The following LRRK1 variants were observed in gnomAD, a reference collection of about 807,000 sequenced individuals.
LRRK1 encodes the protein leucine rich repeat kinase 1, also known as leucine-rich repeat serine/threonine-protein kinase 1.
A neutral mutation model predicts 209.1 loss-of-function variants in LRRK1; 113 were observed. The ratio of observed to expected loss-of-function variants is 0.54; its 90% CI spans 0.46 to 0.63. The LOEUF (loss-of-function observed/expected upper bound fraction) is 0.63. LRRK1 is among the 30% of genes least tolerant of loss of function. The probability of loss-of-function intolerance (pLI) is 0.00; values close to 1 mark genes in which losing one functional copy is unlikely to be tolerated. For missense variants in LRRK1, 2,284 were observed against 2,632.2 expected, an observed-to-expected ratio of 0.87 and a Z score of 2.89; for synonymous variants, 1,144 against 1,099.7, an observed-to-expected ratio of 1.04 and a Z score of -0.80.
chr15:100,922,226 A>G (rs2042033144), intron 1 of LRRK1, among the ~76,000 whole-genome samples: 1 of 152,224 alleles, frequency 6.6e-6, no homozygotes, highest in African/African-American at 2.4e-5. Context: ...AGCAGGAGGA[A>G]GCAAAGATCC....
chr15:101,043,276 C>G (rs1461444737), intron 20 of LRRK1, among the ~76,000 whole-genome samples: 1 of 152,206 alleles, frequency 6.6e-6, no homozygotes, highest in African/African-American at 2.4e-5. Context: ...CCCACCTTTG[C>G]CTGAGGCCCC....
In LRRK1 at chr15:101,046,248, C is replaced by A. The variant is rs1596317259; in HGVS notation, c.3135+96C>A. The A allele has an allele frequency of 6.9e-6, 9 of 1,298,578 alleles. No individual in the cohort carries two copies. In the East Asian group the frequency reaches 2.0e-4, roughly 29 times the overall value. The allele number at this position is 1,298,578 out of a possible 1,614,324, so 80.4% of individuals were successfully genotyped here. ...GAATGCCCTTTGCTGGGGGGCCCTG[C>A]CTGGAGACCCTTCTCCTAGAGCCAT... is the stretch of plus-strand genomic sequence containing the variant. On this transcript the variant is annotated intron_variant, in intron 21 of 33. Transcript: ENST00000388948.
Position 101,024,976 on chromosome 15 carries a change from A to C in LRRK1, c.2232+9A>C, listed in dbSNP as rs1486232980. 3.1e-6 allele frequency: 5 copies of C among 1,610,110 alleles called. No individual in the cohort carries two copies. The highest frequency in any genetic ancestry group is 4.2e-6 in the Non-Finnish European group (5 of 1,178,128). ...GGCTGCTCAACATCGAGGTGAGGAC[A>C]CCAGACGCCAGCCCTGCCATTTCAG... is the stretch of plus-strand genomic sequence containing the variant. On this transcript the variant is annotated intron_variant, in intron 16 of 33. Transcript: ENST00000388948. The surrounding 1 kb of genome is among the most constrained non-coding windows in gnomAD (Gnocchi z 4.6).
intron 2 of LRRK1, among the ~76,000 whole-genome samples, chr15:100,926,538 A>G (rs1322281110): frequency 2.4e-5 from 3 of 124,128 alleles, no homozygotes; most frequent in Admixed American, 8.8e-5. Flanking sequence ...GTCACTGGGT[A>G]GTGGCTCAAA....
rs763545504 is a variant in LRRK1 at position 101,029,263 on chromosome 15, G to A, written c.2963+31G>A. On this transcript the variant is annotated intron_variant, in intron 20 of 33. Transcript: ENST00000388948. ...GACACAACTTAACACGCCAGGCTGT[G>A]CAGGTTGCTCCCCGAAAGAGGGAGT... The A allele has an allele frequency of 1.5e-5, 23 of 1,573,284 alleles. 1 individual carries two copies. In the South Asian group the frequency reaches 2.0e-4, roughly 14 times the overall value.
chr15:101,004,204 C>G (rs980658673), intron 6 of LRRK1, among the ~76,000 whole-genome samples: 1 of 152,158 alleles, frequency 6.6e-6, no homozygotes, highest in Admixed American at 6.5e-5. Context: ...CGCTATAGAT[C>G]AGAGGCTGCT....
chr15:100,956,455 C>CTTTTTCTTTTCTTTTCTTTT, intron 2 of LRRK1, among the ~76,000 whole-genome samples: 10 of 60,524 alleles, frequency 1.7e-4, no homozygotes, highest in East Asian at 9.3e-4. Flanking sequence ...TTTTTTTTTT[C>CTTTTTCTTTTCTTTTCTTTT]TTTTTTTTTT....
chr15:100,997,226 T>C (rs1293803881), intron 6 of LRRK1, among the ~76,000 whole-genome samples: 1 of 152,134 alleles, frequency 6.6e-6, no homozygotes, highest in East Asian at 1.9e-4. Flanking sequence ...TAAAGCAAAA[T>C]TATTTATACT....
chr15:101,065,198 C>A (rs2036458840), intron 31 of LRRK1, 154 bp from the exon 32 acceptor site: 2 of 784,310 alleles, frequency 2.6e-6, no homozygotes, highest in African/African-American at 1.7e-5. Flanking sequence ...AGGAGTAGCC[C>A]CGGCCTTTCT....
At chr15:100,991,001 G>A (rs986167767) in intron 6 of LRRK1, among the ~76,000 whole-genome samples, 2 of 152,112 alleles carry the variant, frequency 1.3e-5, no homozygotes, top group Non-Finnish European at 2.9e-5. Flanking sequence ...ATTTATTTGT[G>A]TGTATTGTAT....
intron 2 of LRRK1, among the ~76,000 whole-genome samples, chr15:100,950,867 G>T (rs2042631688): frequency 6.6e-6 from 1 of 152,242 alleles, no homozygotes; most frequent in South Asian, 2.1e-4. Flanking sequence ...ACTTTGGGAG[G>T]CCAAGGCGGG....
rs1169449723 is a variant in LRRK1, at chr15:100,919,411, G to T, written c.-163G>T. ...CCCGCCAGTGTGTCCGCCCGGCCCC[G>T]CGTCCCGGAGCGCCCGCACCCGGCC... On this transcript the variant is annotated 5_prime_UTR_variant, in exon 1 of 34. Transcript: ENST00000388948. The surrounding 1 kb of genome is among the most constrained non-coding windows in gnomAD (Gnocchi z 5.8). The T allele has an allele frequency of 1.3e-5, 2 of 149,316 alleles. No individual in the cohort carries two copies. Among genetic ancestry groups the T allele is most frequent in the Non-Finnish European group, 1.5e-5 (1 of 66,812 alleles). The allele number at this position is 149,316 out of a possible 1,614,324, so 9.2% of individuals were successfully genotyped here. A position where few individuals can be genotyped will look rare whatever the true frequency, so the allele number is the denominator to read the frequency against.
chr15:100,947,140 G>A (rs1645393514), intron 2 of LRRK1, among the ~76,000 whole-genome samples: 1 of 151,834 alleles, frequency 6.6e-6, no homozygotes, highest in African/African-American at 2.4e-5. Context: ...TTGTATTTTA[G>A]TAGAGGCGGG....
Position 101,070,764 on chromosome 15 carries a change from C to T in LRRK1, c.*1916C>T, listed in dbSNP as rs1043807477. 6.6e-6 allele frequency: 1 copy of T among 150,866 alleles called. No individual in the cohort carries two copies. Among genetic ancestry groups the T allele is most frequent in the Non-Finnish European group, 1.5e-5 (1 of 67,868 alleles). 9.3% of individuals were successfully genotyped at this position (150,866 alleles called of 1,614,324 possible). A position where few individuals can be genotyped will look rare whatever the true frequency, so the allele number is the denominator to read the frequency against. On this transcript the variant is annotated 3_prime_UTR_variant, in exon 34 of 34. Coordinates refer to ENST00000388948, the MANE Select transcript of LRRK1 (RefSeq NM_024652.6). The stretch of plus-strand genomic sequence containing the variant: ...GCTATGATCACACCAGCTTTCTAGC[C>T]TGGGTGACAGAGCAAGACCCAACTC...
rs77202443 is a variant in LRRK1, at chr15:101,053,414, G to A, written c.4048G>A (p.Ala1350Thr). 1.6e-4 allele frequency: 258 copies of A among 1,589,550 alleles called. No homozygotes were observed. The African/African-American group carries it at 3.0e-3, about 18-fold the overall frequency. Reference protein sequence around the residue: ...SSLNTVLSENARDSSFIPLGH... With the variant: ...SSLNTVLSENTRDSSFIPLGH... ...CCTCAACACCGTGCTGTCCGAGAACGCCAGAGGTACCGCGGCGCGCCGCCC... is the reference window on the plus strand; with the variant it reads ...CCTCAACACCGTGCTGTCCGAGAACACCAGAGGTACCGCGGCGCGCCGCCC... Residue 1350 changes from alanine (A) to threonine (T), a missense_variant, in exon 26 of 34, where the codon GCC becomes ACC. Ala to Thr is a moderately conservative substitution (Grantham distance 58). Coordinates refer to ENST00000388948, the MANE Select transcript of LRRK1 (RefSeq NM_024652.6).
At chr15:101,042,804 T>C (rs1384081463) in intron 20 of LRRK1, among the ~76,000 whole-genome samples, 3 of 152,248 alleles carry the variant, frequency 2.0e-5, no homozygotes, top group Non-Finnish European at 2.9e-5. Context: ...TTTTGAGGCT[T>C]GGTTTTCATC....
In LRRK1 at chr15:100,973,838, G is replaced by C; in HGVS notation, c.132G>C (p.Arg44=). 7.7e-7 allele frequency: 1 copy of C among 1,294,696 alleles called. No individual in the cohort carries two copies. Among genetic ancestry groups the C allele is most frequent in the Non-Finnish European group, 9.8e-7 (1 of 1,017,496 alleles). The allele number at this position is 1,294,696 out of a possible 1,614,324, so 80.2% of individuals were successfully genotyped here. A position where few individuals can be genotyped will look rare whatever the true frequency, so the allele number is the denominator to read the frequency against. Residue 44 remains arginine (R), a synonymous_variant, in exon 3 of 34, where the codon CGG becomes CGC. Coordinates refer to ENST00000388948, the MANE Select transcript of LRRK1 (RefSeq NM_024652.6). The part of the protein sequence containing the change: ...AGDTGGKPST[R]GGDPAARSRR... ...ACACGGGCGGCAAGCCGTCCACGCG[G>C]GGCGGTGACCCTGCAGCGCGGTCCC...
chr15:101,049,908 C>A, intron 23 of LRRK1, 125 bp downstream of exon 23: 1 of 1,026,082 alleles, frequency 9.7e-7, no homozygotes, highest in Non-Finnish European at 1.4e-6. Flanking sequence ...ACTAGGGGGT[C>A]TTAACAGCAC....
chr15:101,052,648 T>C (rs568020429), intron 24 of LRRK1, among the ~76,000 whole-genome samples: 1 of 152,322 alleles, frequency 6.6e-6, no homozygotes, highest in African/African-American at 2.4e-5. Context: ...CGGCCACCAC[T>C]TCTGTGGGGT....
Sources: allele counts gnomAD v4.1 joint callset (sites outside exome capture counted in the v4.1 genomes callset), GRCh38; gene constraint gnomAD v4.1.1; non-coding constraint Gnocchi (gnomAD v3.1); transcripts MANE v1.5; gene names NCBI Gene and HGNC (gene_info 2026-07-23, HGNC 2026-07-21).